RNF220: variants seen among roughly 807,000 people sequenced by gnomAD.
RNF220 encodes the protein E3 ubiquitin-protein ligase RNF220.
Under a neutral mutation model 67.1 loss-of-function variants are expected in RNF220, and 7 were observed. The observed-to-expected ratio is 0.10, with a 90% CI of 0.06 to 0.20. The LOEUF (loss-of-function observed/expected upper bound fraction) is 0.20, where lower values mean the gene tolerates loss of function less well. Among genes scored for constraint, RNF220 ranks in the 10% least tolerant of loss-of-function variants. The pLI is 1.00. For synonymous variants in RNF220, 270 were observed against 283.2 expected (o/e 0.95, Z 0.47); for missense variants, 565 against 740.3 (o/e 0.76, Z 2.75).
chr1:44,438,015 T>C (rs1572501660), intron 2 of RNF220, among the ~76,000 whole-genome samples: 1 of 152,298 alleles, frequency 6.6e-6, no homozygotes, highest in East Asian at 1.9e-4. Flanking sequence ...AATACACATA[T>C]AGAAGAAAAC....
At chr1:44,550,623 T>A (rs1206390589) in intron 2 of RNF220, among the ~76,000 whole-genome samples, 5 of 152,190 alleles carry the variant, frequency 3.3e-5, no homozygotes, top group African/African-American at 1.2e-4. Context: ...GGAACCTCTC[T>A]ACAATACAAA....
intron 2 of RNF220, among the ~76,000 whole-genome samples, chr1:44,472,100 T>C (rs994896790): frequency 1.3e-5 from 2 of 152,246 alleles, no homozygotes; most frequent in East Asian, 3.8e-4. Flanking sequence ...TGTACCATAT[T>C]TGGTTTAGCC....
At chr1:44,405,649 G>A (rs1035484716) in intron 1 of RNF220, 119 bp downstream of exon 1, 6 of 261,148 alleles carry the variant, frequency 2.3e-5, no homozygotes, top group Middle Eastern at 1.2e-3. Flanking sequence ...AGGGATTCGG[G>A]CGGTTCCCTC....
At chr1:44,627,058 A>G (rs1161966606) in intron 5 of RNF220, 1 of 124,036 alleles carries the variant, frequency 8.1e-6, no homozygotes, top group Non-Finnish European at 1.8e-5. Flanking sequence ...AAAAAAAAAA[A>G]AAAAAAGGCT....
At chr1:44,560,244 GA>G (rs1663459725) in intron 2 of RNF220, among the ~76,000 whole-genome samples, 1 of 152,168 alleles carries the variant, frequency 6.6e-6, no homozygotes, top group Non-Finnish European at 1.5e-5. Flanking sequence ...GTGGCTGATG[GA>G]GTGAGTGAAA....
chr1:44,496,841 T>C (rs1572681730), intron 2 of RNF220, among the ~76,000 whole-genome samples: 3 of 152,214 alleles, frequency 2.0e-5, no homozygotes, highest in Admixed American at 6.5e-5. Context: ...GGATGTGGAA[T>C]AATTTTGCAG....
rs77039015 is a variant in RNF220 at position 44,535,071 on chromosome 1, A to G, written c.626-79094A>G. On this transcript the variant is annotated intron_variant, in intron 2 of 14. Transcript: ENST00000361799. Reference sequence around the variant, plus strand: ...GCTTCATCGGGGGTAGGGGCTGGGAACTGGGGGAACAACTTCATTACATTT... The same window carrying G: ...GCTTCATCGGGGGTAGGGGCTGGGAGCTGGGGGAACAACTTCATTACATTT... Among the ~76,000 whole-genome samples, 791 of 151,382 alleles carry G rather than the reference A, an allele frequency of 5.2e-3. 4 individuals are homozygous for G. Among genetic ancestry groups the G allele is most frequent in the African/African-American group, 0.018 (754 of 41,244 alleles).
At chr1:44,599,498 C>A (rs1323690663) in intron 2 of RNF220, among the ~76,000 whole-genome samples, 1 of 152,092 alleles carries the variant, frequency 6.6e-6, no homozygotes, top group Non-Finnish European at 1.5e-5. Context: ...CATGACACAA[C>A]CCTATCTCTA....
chr1:44,600,311 A>G lies in RNF220; in HGVS notation c.626-13854A>G, dbSNP rs2148396734. 2.6e-5 allele frequency among the ~76,000 whole-genome samples: 4 copies of G among 152,322 alleles called. No individual in the cohort carries two copies. The South Asian group carries it at 8.3e-4, about 32-fold the overall frequency. ...AGGTACAGGCTGAGGGAATGAAACC[A>G]GAGTTTCAGAGATCACACATAGAGT... On this transcript the variant is annotated intron_variant, in intron 2 of 14. Transcript: ENST00000361799. The surrounding 1 kb of genome is among the most constrained non-coding windows in gnomAD (Gnocchi z 4.0).
intron 2 of RNF220, among the ~76,000 whole-genome samples, chr1:44,602,963 C>T (rs1667028949): frequency 6.6e-6 from 1 of 152,138 alleles, no homozygotes; most frequent in South Asian, 2.1e-4. Flanking sequence ...CTCCTTCTCT[C>T]CGAGTCCACA....
At chr1:44,552,566 C>CTTTTTTTTTT (rs57847805) in intron 2 of RNF220, among the ~76,000 whole-genome samples, 3 of 83,734 alleles carry the variant, frequency 3.6e-5, no homozygotes, top group African/African-American at 1.0e-4. Context: ...TAAACTTCTT[C>CTTTTTTTTTT]TTTTTTTTTT....
chr1:44,595,023 T>G (rs1666375754), intron 2 of RNF220, among the ~76,000 whole-genome samples: 3 of 152,178 alleles, frequency 2.0e-5, no homozygotes, highest in Admixed American at 2.0e-4. Flanking sequence ...GCCGTTTAGT[T>G]AGGACCTTGC....
At chr1:44,410,885 A>G (rs770713654) in intron 1 of RNF220, among the ~76,000 whole-genome samples, 2 of 152,150 alleles carry the variant, frequency 1.3e-5, no homozygotes, top group Non-Finnish European at 2.9e-5. Flanking sequence ...CCCTTCTCCC[A>G]GCCCCCACTC....
chr1:44,441,891 T>C (rs910638424), intron 2 of RNF220, among the ~76,000 whole-genome samples: 2 of 152,150 alleles, frequency 1.3e-5, no homozygotes, highest in South Asian at 2.1e-4. Context: ...AACACAGATA[T>C]GGAAACAGCC....
intron 2 of RNF220, among the ~76,000 whole-genome samples, chr1:44,559,150 C>T (rs1435070836): frequency 6.6e-6 from 1 of 152,228 alleles, no homozygotes; most frequent in Non-Finnish European, 1.5e-5. Flanking sequence ...CTAGTTCTCC[C>T]CTACTCCCCT....
At chr1:44,514,991 G>T (rs1449752498) in intron 2 of RNF220, among the ~76,000 whole-genome samples, 1 of 152,162 alleles carries the variant, frequency 6.6e-6, no homozygotes, top group Non-Finnish European at 1.5e-5. Context: ...GGTCAGTCAT[G>T]GGGGAACAAA....
At chr1:44,626,567 T>C in intron 5 of RNF220, 169 bp downstream of exon 5, 1 of 610,186 alleles carries the variant, frequency 1.6e-6, no homozygotes, top group Non-Finnish European at 2.9e-6. Context: ...GAGGCATACG[T>C]GTCAGGGAAT....
chr1:44,524,013 G>A (rs12122792), intron 2 of RNF220, among the ~76,000 whole-genome samples: 3,417 of 152,200 alleles, frequency 0.022, 62 homozygotes, highest in South Asian at 0.063. Context: ...AGGATTGAGC[G>A]ATGGGTCCTA....
intron 2 of RNF220, among the ~76,000 whole-genome samples, chr1:44,413,460 C>T (rs920408443): frequency 6.6e-6 from 1 of 152,158 alleles, no homozygotes; most frequent in Non-Finnish European, 1.5e-5. Context: ...TTTTCATGTT[C>T]TCCAAGTGCC....
Sources: gnomAD v4.1 joint callset for allele counts (sites outside exome capture counted in the v4.1 genomes callset) on GRCh38, gnomAD v4.1.1 for gene constraint, Gnocchi (gnomAD v3.1) non-coding constraint, MANE v1.5 for transcripts, NCBI Gene and HGNC (gene_info 2026-07-23, HGNC 2026-07-21) for gene names.